Variants in SORCS3 observed in about 807,000 individuals in gnomAD.
SORCS3 encodes the protein sortilin related VPS10 domain containing receptor 3.
Under a neutral mutation model 146.3 loss-of-function variants are expected in SORCS3, and 57 were observed. The ratio of observed to expected loss-of-function variants is 0.39; its 90% CI spans 0.31 to 0.49. The LOEUF (loss-of-function observed/expected upper bound fraction) is 0.49. SORCS3 is among the 20% of genes least tolerant of loss of function. SORCS3 has a pLI of 0.92. For synonymous variants in SORCS3, 653 were observed against 618.5 expected (o/e 1.06, Z -0.83); for missense variants, 1,341 against 1,575.5 (o/e 0.85, Z 2.52).
At chr10:104,781,217 G>A (rs2017370525) in intron 1 of SORCS3, among the ~76,000 whole-genome samples, 1 of 152,202 alleles carries the variant, frequency 6.6e-6, no homozygotes, top group Non-Finnish European at 1.5e-5. Flanking sequence ...TTGACAGCAA[G>A]TCATCTGAAG....
At chr10:105,117,846 T>G (rs932408103) in intron 7 of SORCS3, among the ~76,000 whole-genome samples, 1 of 152,216 alleles carries the variant, frequency 6.6e-6, no homozygotes, top group African/African-American at 2.4e-5. Flanking sequence ...ATAATTAACA[T>G]AGTTGAATTG....
intron 1 of SORCS3, among the ~76,000 whole-genome samples, chr10:104,693,940 G>C (rs769230943): frequency 3.3e-5 from 5 of 152,000 alleles, no homozygotes; most frequent in Non-Finnish European, 7.4e-5. Flanking sequence ...AAATGTAATA[G>C]AAAATAGATT....
intron 2 of SORCS3, among the ~76,000 whole-genome samples, chr10:104,879,984 T>A (rs894517335): frequency 6.6e-6 from 1 of 152,198 alleles, no homozygotes; most frequent in African/African-American, 2.4e-5. Flanking sequence ...GCCTTGGAGC[T>A]GCTGGGGATT....
chr10:105,213,164 A>C (rs2056644259), intron 17 of SORCS3, among the ~76,000 whole-genome samples: 1 of 152,164 alleles, frequency 6.6e-6, no homozygotes, highest in South Asian at 2.1e-4. Context: ...CTCAGTTGAC[A>C]AAAAAGATGT....
intron 4 of SORCS3, among the ~76,000 whole-genome samples, chr10:105,028,694 G>A (rs1392105241): frequency 6.6e-6 from 1 of 152,176 alleles, no homozygotes; most frequent in Non-Finnish European, 1.5e-5. Flanking sequence ...CCTCCACAGG[G>A]TGGTCGTGGG....
chr10:104,787,095 C>T (rs1156496414), intron 1 of SORCS3, among the ~76,000 whole-genome samples: 1 of 152,110 alleles, frequency 6.6e-6, no homozygotes, highest in Non-Finnish European at 1.5e-5. Context: ...TGGTGACATC[C>T]CATAGATGTT....
chr10:104,974,347 A>T (rs1473198630), intron 3 of SORCS3, among the ~76,000 whole-genome samples: 2 of 151,928 alleles, frequency 1.3e-5, no homozygotes, highest in Non-Finnish European at 2.9e-5. Flanking sequence ...TTTGTAGGTC[A>T]CTCAGGACTT....
chr10:105,153,789 G>A (rs751953281), intron 9 of SORCS3, among the ~76,000 whole-genome samples: 9 of 151,910 alleles, frequency 5.9e-5, no homozygotes, highest in Non-Finnish European at 1.2e-4. Context: ...GAAACTTCGA[G>A]GCTGGGCGCG....
chr10:104,816,093 A>G (rs2017795040), intron 1 of SORCS3, among the ~76,000 whole-genome samples: 1 of 152,196 alleles, frequency 6.6e-6, no homozygotes, highest in Admixed American at 6.5e-5. Context: ...GGAATATAAG[A>G]GTATATTACC....
intron 2 of SORCS3, among the ~76,000 whole-genome samples, chr10:104,887,941 C>A (rs554823007): frequency 8.5e-5 from 9 of 106,038 alleles, no homozygotes; most frequent in African/African-American, 4.1e-4. Flanking sequence ...CCATACCTTC[C>A]CAGCAACATG....
intron 1 of SORCS3, among the ~76,000 whole-genome samples, chr10:104,757,517 G>A (rs529288859): frequency 9.9e-5 from 15 of 152,156 alleles, no homozygotes; most frequent in Admixed American, 9.8e-4. Flanking sequence ...GCGTTTCGAG[G>A]TGTTACTGTG....
chr10:104,947,027 G>A (rs1335903910), intron 3 of SORCS3, among the ~76,000 whole-genome samples: 2 of 152,088 alleles, frequency 1.3e-5, no homozygotes, highest in Non-Finnish European at 2.9e-5. Context: ...TGCGGTCCCT[G>A]GCATGGAAGA....
At chr10:104,921,469 A>G (rs936196995) in intron 3 of SORCS3, among the ~76,000 whole-genome samples, 1 of 151,264 alleles carries the variant, frequency 6.6e-6, no homozygotes, top group Non-Finnish European at 1.5e-5. Context: ...CCAAATTACT[A>G]TAGTTAGAGG....
intron 5 of SORCS3, among the ~76,000 whole-genome samples, chr10:105,068,897 G>A (rs1037120119): frequency 3.3e-5 from 5 of 152,168 alleles, no homozygotes; most frequent in Admixed American, 2.0e-4. Flanking sequence ...ATCATAAAGA[G>A]ATATATTGAA....
intron 1 of SORCS3, among the ~76,000 whole-genome samples, chr10:104,714,401 T>G (rs914867944): frequency 6.6e-6 from 1 of 152,204 alleles, no homozygotes; most frequent in Admixed American, 6.5e-5. Context: ...ATGCTATATT[T>G]TTCCTGTTAG....
chr10:104,691,996 GTTT>G (rs892450621), intron 1 of SORCS3, among the ~76,000 whole-genome samples: 1 of 151,250 alleles, frequency 6.6e-6, no homozygotes, highest in Non-Finnish European at 1.5e-5. Context: ...ACAAGGGTCT[GTTT>G]TTTTTTACCC....
intron 4 of SORCS3, among the ~76,000 whole-genome samples, chr10:105,013,371 G>A (rs1055868372): frequency 6.6e-6 from 1 of 152,022 alleles, no homozygotes; most frequent in Admixed American, 6.6e-5. Flanking sequence ...AATCAACAAT[G>A]TACTGGGAGG....
Position 105,089,809 on chromosome 10 carries a change from G to C in SORCS3, c.1063G>C (p.Val355Leu), listed in dbSNP as rs371799571. ...VAGLDKEADL[V>L]HMEVRTTDGY... ...CGGATTGGATAAGGAGGCGGACCTG[G>C]TGCACATGGAGGTGCGGACCACGGA... Residue 355 changes from valine to leucine, a missense_variant, in exon 6 of 27, where the codon GTG becomes CTG. Val to Leu is a conservative substitution (Grantham distance 32). Transcript: ENST00000369701. 1.6e-4 allele frequency: 251 copies of C among 1,613,946 alleles called. No homozygotes were observed. The highest frequency in any genetic ancestry group is 2.1e-4 in the Non-Finnish European group (247 of 1,179,978).
At chr10:105,110,756 T>A (rs1234332504) in intron 7 of SORCS3, among the ~76,000 whole-genome samples, 1 of 152,192 alleles carries the variant, frequency 6.6e-6, no homozygotes, top group Non-Finnish European at 1.5e-5. Context: ...TTTTTCTTAT[T>A]GCTTTAGGGT....
Sources: gnomAD v4.1 joint callset for allele counts (sites outside exome capture counted in the v4.1 genomes callset) on GRCh38, gnomAD v4.1.1 for gene constraint, MANE v1.5 for transcripts, NCBI Gene and HGNC (gene_info 2026-07-23, HGNC 2026-07-21) for gene names.